Variants in PRKAG2 observed in about 807,000 individuals in gnomAD.
PRKAG2 encodes protein kinase AMP-activated non-catalytic subunit gamma 2, also known as 5'-AMP-activated protein kinase subunit gamma-2.
A neutral mutation model predicts 69.6 loss-of-function variants in PRKAG2; 26 were observed. The ratio of observed to expected loss-of-function variants is 0.37; its 90% CI spans 0.27 to 0.52. PRKAG2 has a LOEUF of 0.52. PRKAG2 is among the 20% of genes least tolerant of loss of function. PRKAG2 has a pLI of 0.90. For missense variants in PRKAG2, 557 were observed against 740.0 expected, an observed-to-expected ratio of 0.75 and a Z score of 2.87; for synonymous variants, 293 against 285.0, an observed-to-expected ratio of 1.03 and a Z score of -0.28.
At chr7:151,825,236 G>T (rs2078881374) in intron 1 of PRKAG2, among the ~76,000 whole-genome samples, 1 of 152,068 alleles carries the variant, frequency 6.6e-6, no homozygotes, top group Admixed American at 6.6e-5. Context: ...AAGGTCATTT[G>T]TTGGCTTCTT....
chr7:151,829,497 A>G (rs2078976129), intron 1 of PRKAG2, among the ~76,000 whole-genome samples: 1 of 152,058 alleles, frequency 6.6e-6, no homozygotes, highest in Non-Finnish European at 1.5e-5. Context: ...AAGTCACAAT[A>G]TGACCCAGCA....
At chr7:151,578,888 G>C (rs988142350) in intron 6 of PRKAG2, among the ~76,000 whole-genome samples, 2 of 152,206 alleles carry the variant, frequency 1.3e-5, no homozygotes. Flanking sequence ...TATTATAGAA[G>C]AATATAGTGG....
intron 4 of PRKAG2, among the ~76,000 whole-genome samples, chr7:151,642,329 C>T (rs542013608): frequency 1.3e-5 from 2 of 152,054 alleles, no homozygotes; most frequent in South Asian, 2.1e-4. Flanking sequence ...GGCGACAGAG[C>T]GAGACTCCAT....
chr7:151,571,770 T>C (rs1016415605), intron 9 of PRKAG2, among the ~76,000 whole-genome samples: 2 of 152,176 alleles, frequency 1.3e-5, no homozygotes, highest in Admixed American at 6.5e-5. Context: ...CTAAATCGTA[T>C]GGATTTGAAA....
At chr7:151,789,351 T>C (rs2077163287) in intron 1 of PRKAG2, among the ~76,000 whole-genome samples, 1 of 152,242 alleles carries the variant, frequency 6.6e-6, no homozygotes, top group Non-Finnish European at 1.5e-5. Context: ...CCTTCTGTAG[T>C]GTTCTGTGCA....
At chr7:151,625,346 T>G (rs1029567622) in intron 5 of PRKAG2, among the ~76,000 whole-genome samples, 3 of 151,842 alleles carry the variant, frequency 2.0e-5, no homozygotes, top group African/African-American at 7.3e-5. Flanking sequence ...AGGAAGCTGA[T>G]GAAGGCCAGA....
intron 6 of PRKAG2, among the ~76,000 whole-genome samples, chr7:151,576,850 T>C (rs911159068): frequency 1.3e-5 from 2 of 152,208 alleles, no homozygotes; most frequent in African/African-American, 4.8e-5. Flanking sequence ...TTATCTTCCA[T>C]AATAAGTTTC....
chr7:151,666,483 T>C (rs991765182), intron 4 of PRKAG2, among the ~76,000 whole-genome samples: 2 of 152,162 alleles, frequency 1.3e-5, no homozygotes, highest in Non-Finnish European at 2.9e-5. Context: ...GCCCAGTCTG[T>C]GGTATTCTGT....
chr7:151,687,816 G>T (rs1585769764), intron 3 of PRKAG2, among the ~76,000 whole-genome samples: 1 of 152,366 alleles, frequency 6.6e-6, no homozygotes, highest in Middle Eastern at 3.4e-3. Context: ...AAGACCGTTT[G>T]TATGGGCGAC....
At chr7:151,679,845 A>G (rs7791800) in intron 3 of PRKAG2, among the ~76,000 whole-genome samples, 54,844 of 151,530 alleles carry the variant, frequency 0.36, 10,042 homozygotes, top group Middle Eastern at 0.39. Context: ...GAGAAGGATC[A>G]CTTGAGCCCA....
At chr7:151,564,306 T>C in intron 13 of PRKAG2, 82 bp from the exon 14 acceptor site, 1 of 1,499,196 alleles carries the variant, frequency 6.7e-7, no homozygotes, top group Non-Finnish European at 9.3e-7. Context: ...TAAGAGAGCC[T>C]GATTTCTAAA....
rs898518654 is a variant in PRKAG2, at chr7:151,583,483, G to A, written c.865-7031C>T. On this transcript the variant is annotated intron_variant, in intron 6 of 15. Coordinates refer to ENST00000287878, the MANE Select transcript of PRKAG2 (RefSeq NM_016203.4). The surrounding 1 kb of genome is among the most constrained non-coding windows in gnomAD (Gnocchi z 4.1). Reference sequence around the variant, plus strand: ...GGCCTGACGCTTCTGTGGTTTTGCCGACCTTCTTTGCAATAACGAGGCCTT... The same window carrying A: ...GGCCTGACGCTTCTGTGGTTTTGCCAACCTTCTTTGCAATAACGAGGCCTT... Among the ~76,000 whole-genome samples, 3 of 152,132 alleles carry A rather than the reference G, an allele frequency of 2.0e-5. No individual in the cohort carries two copies. Among genetic ancestry groups the A allele is most frequent in the African/African-American group, 4.8e-5 (2 of 41,428 alleles).
intron 6 of PRKAG2, among the ~76,000 whole-genome samples, chr7:151,595,125 T>G (rs1814143232): frequency 6.6e-6 from 1 of 152,192 alleles, no homozygotes; most frequent in South Asian, 2.1e-4. Context: ...GTTCTTAAAC[T>G]CTATAATTTG....
At chr7:151,682,945 A>G (rs1834106228) in intron 3 of PRKAG2, among the ~76,000 whole-genome samples, 1 of 152,216 alleles carries the variant, frequency 6.6e-6, no homozygotes, top group Non-Finnish European at 1.5e-5. Context: ...GGCCATGGCC[A>G]AAGTCACCCA....
At chr7:151,592,555 A>T (rs969794196) in intron 6 of PRKAG2, among the ~76,000 whole-genome samples, 3 of 151,762 alleles carry the variant, frequency 2.0e-5, no homozygotes, top group African/African-American at 7.3e-5. Flanking sequence ...GTCTGCGCAC[A>T]CTCTTTCAGC....
chr7:151,784,233 G>T (rs2076883092), intron 2 of PRKAG2, among the ~76,000 whole-genome samples: 1 of 152,186 alleles, frequency 6.6e-6, no homozygotes, highest in South Asian at 2.1e-4. Flanking sequence ...GGGAGGGGTG[G>T]GATTTTGGAG....
Position 151,861,527 on chromosome 7 carries a change from C to CAAAAAA in PRKAG2, c.114+14979_114+14980insTTTTTT, listed in dbSNP as rs1563762540. ...TGGGTGACAGAATAAGACTCTGTCT[C>CAAAAAA]CAAAAAAAAAAAAAAAAAAAAGAAT... On this transcript the variant is annotated intron_variant, in intron 1 of 15. Coordinates refer to ENST00000287878, the MANE Select transcript of PRKAG2 (RefSeq NM_016203.4). Among the ~76,000 whole-genome samples, 154 of 60,370 alleles carry CAAAAAA rather than the reference C, an allele frequency of 2.6e-3. 13 individuals carry two copies. In the East Asian group the frequency reaches 0.03, roughly 12 times the overall value. The allele number at this position is 60,370 out of a possible 152,430, so 39.6% of individuals were successfully genotyped here.
chr7:151,647,582 G>A (rs1827779885), intron 4 of PRKAG2, among the ~76,000 whole-genome samples: 1 of 152,220 alleles, frequency 6.6e-6, no homozygotes, highest in Non-Finnish European at 1.5e-5. Flanking sequence ...AGCAAGGAAA[G>A]GTGGACATTC....
chr7:151,865,830 T>C lies in PRKAG2; in HGVS notation c.114+10677A>G, dbSNP rs376694357. 5.5e-4 allele frequency among the ~76,000 whole-genome samples: 84 copies of C among 152,188 alleles called. No homozygotes were observed. The East Asian group carries it at 0.01, about 19-fold the overall frequency. ...GTCAGGAGATTGAGACCATCCTGGC[T>C]AACACGGTGAAACCCCGTCTCTATT... On this transcript the variant is annotated intron_variant, in intron 1 of 15. Coordinates refer to ENST00000287878, the MANE Select transcript of PRKAG2 (RefSeq NM_016203.4).
Sources: allele counts gnomAD v4.1 joint callset (sites outside exome capture counted in the v4.1 genomes callset), GRCh38; gene constraint gnomAD v4.1.1; non-coding constraint Gnocchi (gnomAD v3.1); transcripts MANE v1.5; gene names NCBI Gene and HGNC (gene_info 2026-07-23, HGNC 2026-07-21).